Variants in LARP1 observed in about 807,000 individuals in gnomAD.
The protein encoded by LARP1 is La ribonucleoprotein 1, translational regulator, also known as la-related protein 1.
In LARP1, 36 loss-of-function variants were observed where a neutral mutation model predicts 122.7. That is an observed-to-expected ratio of 0.29 (90% CI 0.22 to 0.39). The LOEUF is 0.39. LARP1 is among the 10% of genes least tolerant of loss of function. The pLI is 1.00. For missense variants in LARP1, 1,040 were observed against 1,403.6 expected, an observed-to-expected ratio of 0.74 and a Z score of 4.14; for synonymous variants, 539 against 528.7, an observed-to-expected ratio of 1.02 and a Z score of -0.27.
At chr5:154,756,677 T>A (rs1753950616) in intron 1 of LARP1, among the ~76,000 whole-genome samples, 1 of 152,040 alleles carries the variant, frequency 6.6e-6, no homozygotes, top group Non-Finnish European at 1.5e-5. Flanking sequence ...GCGGAGTACA[T>A]GCTGGCCGCA....
upstream of LARP1, among the ~76,000 whole-genome samples, chr5:154,708,935 C>T (rs1298902187): frequency 6.6e-6 from 1 of 152,160 alleles, no homozygotes; most frequent in Non-Finnish European, 1.5e-5. Context: ...GTTCAGGTGA[C>T]ATTTCAGCAT....
At chr5:154,751,118 G>A (rs764690204), upstream of LARP1, among the ~76,000 whole-genome samples, 6 of 152,056 alleles carry the variant, frequency 3.9e-5, no homozygotes, top group Non-Finnish European at 7.4e-5. Context: ...TCTTCCTGAG[G>A]CCTAAGTATT....
chr5:154,794,520 C>G (rs904512037), intron 7 of LARP1, among the ~76,000 whole-genome samples: 2 of 152,188 alleles, frequency 1.3e-5, no homozygotes, highest in East Asian at 1.9e-4. Context: ...GAATCTACCC[C>G]CTTCTGTTCT....
At chr5:154,781,005 GTGAGCCTAGAT>G (rs1365372097) in intron 1 of LARP1, among the ~76,000 whole-genome samples, 1 of 152,170 alleles carries the variant, frequency 6.6e-6, no homozygotes, top group Non-Finnish European at 1.5e-5. Flanking sequence ...GGAGGTGGCA[GTGAGCCTAGAT>G]TGTGCCACAC....
At position 154,760,008 on chromosome 5, in the gene LARP1, C is replaced by T. The variant is rs960573540; in HGVS notation, c.436+3815C>T. 3.2e-4 allele frequency among the ~76,000 whole-genome samples: 49 copies of T among 151,158 alleles called. 1 individual carries two copies. The highest frequency in any genetic ancestry group is 8.9e-5 in the Non-Finnish European group (6 of 67,766). On this transcript the variant is annotated intron_variant, in intron 1 of 18. Coordinates refer to ENST00000518297, the MANE Select transcript of LARP1 (RefSeq NM_033551.3). The stretch of plus-strand genomic sequence containing the variant: ...AGATTGGAGTGCAGTGGTGTGATCT[C>T]GGCCCACTGCAACCTCCACCTCCCG...
intron 1 of LARP1, among the ~76,000 whole-genome samples, chr5:154,700,786 G>A (rs1754676657): frequency 6.6e-6 from 1 of 151,800 alleles, no homozygotes; most frequent in Non-Finnish European, 1.5e-5. Flanking sequence ...ACAATGCCTG[G>A]CTAATTTTTA....
intron 10 of LARP1, among the ~76,000 whole-genome samples, chr5:154,801,494 A>T (rs1414341516): frequency 6.6e-6 from 1 of 152,170 alleles, no homozygotes; most frequent in Non-Finnish European, 1.5e-5. Flanking sequence ...TAGGTTTTTC[A>T]TACAGAGCTT....
intron 1 of LARP1, chr5:154,756,507 C>T (rs1320812270): frequency 3.6e-5 from 35 of 985,802 alleles, no homozygotes; most frequent in Non-Finnish European, 4.1e-5. Context: ...TGAAACGATC[C>T]CCACCGCATG....
upstream of LARP1, chr5:154,712,752 A>G: frequency 1.6e-6 from 1 of 614,546 alleles, no homozygotes; most frequent in Middle Eastern, 4.4e-4. Context: ...GAGGTGGGGT[A>G]GCCTTGCTCG....
chr5:154,756,824 C>T (rs1753967126), intron 1 of LARP1, among the ~76,000 whole-genome samples: 1 of 152,064 alleles, frequency 6.6e-6, no homozygotes, highest in Non-Finnish European at 1.5e-5. Context: ...TCGGTGGTTT[C>T]CCTCCCCGAT....
At chr5:154,723,564 G>A (rs941597401) in intron 1 of LARP1, among the ~76,000 whole-genome samples, 5 of 152,150 alleles carry the variant, frequency 3.3e-5, no homozygotes, top group Admixed American at 6.5e-5. Flanking sequence ...AGTTCTGGCT[G>A]TACCACTTCC....
chr5:154,752,686 C>T (rs140949693), upstream of LARP1, among the ~76,000 whole-genome samples: 1,943 of 152,028 alleles, frequency 0.013, 31 homozygotes, highest in African/African-American at 0.044. Context: ...CACTTGTAAT[C>T]CCAGCACTTT....
chr5:154,742,508 A>C (rs372952151), intron 1 of LARP1, among the ~76,000 whole-genome samples: 1 of 152,132 alleles, frequency 6.6e-6, no homozygotes, highest in African/African-American at 2.4e-5. Flanking sequence ...GCAGTGAGCC[A>C]TGATCATGCC....
intron 1 of LARP1, among the ~76,000 whole-genome samples, chr5:154,736,074 C>A (rs1335968109): frequency 6.6e-6 from 1 of 151,734 alleles, no homozygotes; most frequent in Non-Finnish European, 1.5e-5. Flanking sequence ...TGTTCGCCAC[C>A]ATACCCAGCT....
upstream of LARP1, among the ~76,000 whole-genome samples, chr5:154,712,040 C>T (rs998739372): frequency 6.6e-6 from 1 of 152,230 alleles, no homozygotes; most frequent in African/African-American, 2.4e-5. Context: ...GATCCCCTCT[C>T]TCCAGAATGT....
rs748544978 is a variant in LARP1, at chr5:154,803,513, TC to T, written c.2234-25del. 17 of 1,614,056 alleles carry T rather than the reference TC, an allele frequency of 1.1e-5. No homozygotes were observed. The South Asian group carries it at 1.8e-4, about 17-fold the overall frequency. ...TGGATGCCACAGGCCTTTCCCTGCTTCCTGACTCCTCTCTCTGCCTCTGCAG... is the reference window on the plus strand; with the variant it reads ...TGGATGCCACAGGCCTTTCCCTGCTTCTGACTCCTCTCTCTGCCTCTGCAG... On this transcript the variant is annotated intron_variant, in intron 12 of 18. Coordinates refer to ENST00000518297, the MANE Select transcript of LARP1 (RefSeq NM_033551.3). This position sits in a 1 kb window ranked among gnomAD's most constrained non-coding sequence, Gnocchi z 4.4.
At chr5:154,691,511 G>A (rs1754206917) in intron 1 of LARP1, among the ~76,000 whole-genome samples, 1 of 152,200 alleles carries the variant, frequency 6.6e-6, no homozygotes, top group Non-Finnish European at 1.5e-5. Context: ...GGGGTCCGCG[G>A]GTGGCGGCCC....
At chr5:154,789,630 G>T (rs1298411911) in intron 1 of LARP1, among the ~76,000 whole-genome samples, 1 of 152,088 alleles carries the variant, frequency 6.6e-6, no homozygotes, top group Non-Finnish European at 1.5e-5. Context: ...CCCTATTTTG[G>T]GGTATATAGT....
At chr5:154,810,632 C>A (rs1453751050) in intron 16 of LARP1, among the ~76,000 whole-genome samples, 2 of 151,854 alleles carry the variant, frequency 1.3e-5, no homozygotes, top group African/African-American at 4.8e-5. Flanking sequence ...AGATTACAGG[C>A]ACCCACCACC....
Sources: gnomAD v4.1 joint callset for allele counts (sites outside exome capture counted in the v4.1 genomes callset) on GRCh38, gnomAD v4.1.1 for gene constraint, Gnocchi (gnomAD v3.1) non-coding constraint, MANE v1.5 for transcripts, NCBI Gene and HGNC (gene_info 2026-07-23, HGNC 2026-07-21) for gene names.